Variants in ZBTB20 observed in about 807,000 individuals in gnomAD.
The protein encoded by ZBTB20 is zinc finger and BTB domain-containing protein 20.
ZBTB20 carries 9 observed loss-of-function variants against 56.9 expected under a neutral mutation model. That is an observed-to-expected ratio of 0.16 (90% CI 0.10 to 0.28). The LOEUF (loss-of-function observed/expected upper bound fraction) is 0.28, where lower values mean the gene tolerates loss of function less well. Among genes scored for constraint, ZBTB20 ranks in the 10% least tolerant of loss-of-function variants. ZBTB20 has a pLI of 1.00. For synonymous variants in ZBTB20, 417 were observed against 420.7 expected (o/e 0.99, Z 0.11); for missense variants, 655 against 1,003.0 (o/e 0.65, Z 4.69).
intron 10 of ZBTB20, among the ~76,000 whole-genome samples, chr3:114,360,596 C>T (rs982096067): frequency 6.6e-6 from 1 of 151,874 alleles, no homozygotes; most frequent in Non-Finnish European, 1.5e-5. Context: ...TGTGATCTGC[C>T]CACCTTGGCC....
In ZBTB20 at chr3:114,564,063, A is replaced by G. The variant is rs1260946828; in HGVS notation, c.-294-63672T>C. ...TTTCCAGTTATTAGAGGCCACCTGT[A>G]TTCATTGGCTCATGATCTATTCCTC... On this transcript the variant is annotated intron_variant, in intron 6 of 11. Coordinates refer to ENST00000675478, the MANE Select transcript of ZBTB20 (RefSeq NM_001348800.3). Among the ~76,000 whole-genome samples, 17 of 152,070 alleles carry G rather than the reference A, an allele frequency of 1.1e-4. 1 individual carries two copies. The highest frequency in any genetic ancestry group is 4.1e-4 in the African/African-American group (17 of 41,434).
intron 4 of ZBTB20, among the ~76,000 whole-genome samples, chr3:114,877,786 T>C (rs567520169): frequency 4.6e-5 from 7 of 152,300 alleles, no homozygotes; most frequent in Non-Finnish European, 7.4e-5. Flanking sequence ...TGCTTTTTTT[T>C]CTAAACTAAA....
At chr3:114,793,414 T>C (rs903263583) in intron 5 of ZBTB20, among the ~76,000 whole-genome samples, 1 of 152,148 alleles carries the variant, frequency 6.6e-6, no homozygotes, top group Admixed American at 6.5e-5. Context: ...GGAACGATTA[T>C]ATGTGATATG....
intron 6 of ZBTB20, among the ~76,000 whole-genome samples, chr3:114,658,073 C>G (rs1294901497): frequency 6.6e-6 from 1 of 152,142 alleles, no homozygotes; most frequent in Non-Finnish European, 1.5e-5. Context: ...AAAAAAATCA[C>G]TCATAGTGCC....
chr3:114,924,521 T>C (rs1258220164), intron 3 of ZBTB20, among the ~76,000 whole-genome samples: 3 of 152,190 alleles, frequency 2.0e-5, no homozygotes, highest in Non-Finnish European at 2.9e-5. Flanking sequence ...GTGAATCTCA[T>C]TGCAACAGAA....
At chr3:114,969,585 C>T (rs1282793372) in intron 3 of ZBTB20, among the ~76,000 whole-genome samples, 2 of 152,128 alleles carry the variant, frequency 1.3e-5, no homozygotes, top group African/African-American at 4.8e-5. Context: ...ATTGTAACTA[C>T]TATTATAATA....
intron 10 of ZBTB20, chr3:114,356,150 G>T (rs1157779796): frequency 3.9e-5 from 6 of 152,132 alleles, no homozygotes; most frequent in African/African-American, 1.2e-4. Context: ...ACTGTTCTGC[G>T]AGAGCACAAC....
chr3:114,875,398 C>T (rs2076156132), intron 4 of ZBTB20, among the ~76,000 whole-genome samples: 1 of 152,076 alleles, frequency 6.6e-6, no homozygotes, highest in African/African-American at 2.4e-5. Flanking sequence ...AATTAAAATG[C>T]TTGCAATCCA....
chr3:115,000,009 T>A (rs982262603), intron 2 of ZBTB20, among the ~76,000 whole-genome samples: 3 of 151,704 alleles, frequency 2.0e-5, no homozygotes, highest in African/African-American at 7.2e-5. Context: ...TGAATTCATT[T>A]AATGACCTAG....
At chr3:114,835,849 C>A (rs2074095947) in intron 4 of ZBTB20, among the ~76,000 whole-genome samples, 1 of 151,976 alleles carries the variant, frequency 6.6e-6, no homozygotes, top group South Asian at 2.1e-4. Context: ...AGCTGTTAAC[C>A]CTTTCATTAC....
intron 4 of ZBTB20, among the ~76,000 whole-genome samples, chr3:114,814,959 C>A (rs1458504873): frequency 6.6e-6 from 1 of 152,106 alleles, no homozygotes. Context: ...GAAAGGCCCT[C>A]TATAACATGT....
intron 6 of ZBTB20, among the ~76,000 whole-genome samples, chr3:114,571,204 T>C (rs897939672): frequency 3.9e-5 from 6 of 152,222 alleles, no homozygotes; most frequent in African/African-American, 1.4e-4. Context: ...TCCTAATTAC[T>C]TCAATGTGCA....
At chr3:114,851,973 C>A (rs1006255538) in intron 4 of ZBTB20, among the ~76,000 whole-genome samples, 1 of 151,952 alleles carries the variant, frequency 6.6e-6, no homozygotes, top group Admixed American at 6.5e-5. Context: ...GTCTGAGATA[C>A]GAGTTGCCAA....
intron 4 of ZBTB20, among the ~76,000 whole-genome samples, chr3:114,890,116 A>C (rs1268377971): frequency 1.3e-5 from 2 of 152,182 alleles, no homozygotes; most frequent in African/African-American, 2.4e-5. Flanking sequence ...TTTCTACTCT[A>C]TTATATTGTC....
At chr3:114,984,600 G>T (rs991329664) in intron 2 of ZBTB20, among the ~76,000 whole-genome samples, 35 of 152,110 alleles carry the variant, frequency 2.3e-4, no homozygotes, top group Non-Finnish European at 2.2e-4. Context: ...CTATCTCAGT[G>T]TATTCTCTCT....
At chr3:114,345,957 G>GT (rs1435684729) in intron 11 of ZBTB20, among the ~76,000 whole-genome samples, 4 of 152,000 alleles carry the variant, frequency 2.6e-5, no homozygotes, top group African/African-American at 9.7e-5. Context: ...TATTATCTTT[G>GT]TTTTTTTCTC....
chr3:114,965,794 T>C lies in ZBTB20; in HGVS notation c.-456+8572A>G, dbSNP rs377166115. Among the ~76,000 whole-genome samples, 10 of 152,272 alleles carry C rather than the reference T, an allele frequency of 6.6e-5. No homozygotes were observed. In the East Asian group the frequency reaches 9.6e-4, roughly 15 times the overall value. The stretch of plus-strand genomic sequence containing the variant: ...ATTTTTTCATATACCCATTAACCAT[T>C]TGTATGTCTTCTTTTGAGATACGTC... On this transcript the variant is annotated intron_variant, in intron 3 of 11. Transcript: ENST00000675478.
intron 5 of ZBTB20, among the ~76,000 whole-genome samples, chr3:114,771,590 T>A (rs2069204035): frequency 6.6e-6 from 1 of 152,200 alleles, no homozygotes; most frequent in Non-Finnish European, 1.5e-5. Flanking sequence ...ATTTCTTCCT[T>A]AAGGAAATGA....
chr3:114,884,124 A>T (rs1408870699), intron 4 of ZBTB20, among the ~76,000 whole-genome samples: 2 of 149,646 alleles, frequency 1.3e-5, no homozygotes, highest in Non-Finnish European at 3.0e-5. Flanking sequence ...ACGGGGTTTC[A>T]CCGTTTTAGC....
Sources: gnomAD v4.1 joint callset for allele counts (sites outside exome capture counted in the v4.1 genomes callset) on GRCh38, gnomAD v4.1.1 for gene constraint, MANE v1.5 for transcripts, NCBI Gene and HGNC (gene_info 2026-07-23, HGNC 2026-07-21) for gene names.